MAST2: variants seen among roughly 807,000 people sequenced by gnomAD.
MAST2 encodes microtubule-associated serine/threonine-protein kinase 2.
MAST2 carries 70 observed loss-of-function variants against 147.4 expected under a neutral mutation model. The ratio of observed to expected loss-of-function variants is 0.47; its 90% CI spans 0.39 to 0.58. The LOEUF is 0.58. Among genes scored for constraint, MAST2 ranks in the 20% least tolerant of loss-of-function variants. The pLI is 0.00. For missense variants in MAST2, 2,080 were observed against 2,302.3 expected, an observed-to-expected ratio of 0.90 and a Z score of 1.98; for synonymous variants, 869 against 896.8, an observed-to-expected ratio of 0.97 and a Z score of 0.55.
chr1:45,835,737 T>C (rs1645083795), intron 3 of MAST2, among the ~76,000 whole-genome samples: 1 of 152,182 alleles, frequency 6.6e-6, no homozygotes, highest in Non-Finnish European at 1.5e-5. Context: ...AAAAAAATCC[T>C]CTACCCATTA....
In MAST2 at chr1:46,013,022, T is replaced by A. The variant is rs1039038157; in HGVS notation, c.1188+2083T>A. 4.6e-5 allele frequency among the ~76,000 whole-genome samples: 7 copies of A among 152,098 alleles called. No homozygotes were observed. In the East Asian group the frequency reaches 1.4e-3, roughly 30 times the overall value. On this transcript the variant is annotated intron_variant, in intron 10 of 28. Transcript: ENST00000361297. The stretch of plus-strand genomic sequence containing the variant: ...ACGGCCTTGTGAGGAGCTTAGATTG[T>A]ATCGTGAAGGCAGTGGGTATCATCC...
At chr1:46,030,547 A>G (rs1646608140) in intron 21 of MAST2, 60 bp from the exon 22 acceptor site, 2 of 1,536,062 alleles carry the variant, frequency 1.3e-6, no homozygotes. Flanking sequence ...AGGATGCTTT[A>G]TGCCACTTGG....
intron 27 of MAST2, 40 bp from the exon 28 acceptor site, chr1:46,034,033 C>T (rs772173541): frequency 6.2e-7 from 1 of 1,607,066 alleles, no homozygotes. Context: ...GTGTGCTGTG[C>T]TCACTGCACC....
chr1:45,888,161 G>A (rs186435222), intron 4 of MAST2, among the ~76,000 whole-genome samples: 78 of 152,294 alleles, frequency 5.1e-4, no homozygotes, highest in Middle Eastern at 3.4e-3. Flanking sequence ...ATATTTCAGA[G>A]ACATCTGAAC....
intron 5 of MAST2, 46 bp from the exon 6 acceptor site, chr1:45,997,678 C>T: frequency 6.7e-7 from 1 of 1,492,028 alleles, no homozygotes; most frequent in Non-Finnish European, 9.4e-7. Flanking sequence ...GTCCACCCTC[C>T]TCACAAGCAA....
intron 25 of MAST2, 47 bp from the exon 26 acceptor site, chr1:46,032,549 C>G: frequency 2.5e-6 from 4 of 1,606,562 alleles, no homozygotes; most frequent in African/African-American, 1.3e-5. Context: ...AGGCCCCATA[C>G]TTCGTGTTCA....
At chr1:45,926,745 A>AT (rs5773898) in intron 4 of MAST2, among the ~76,000 whole-genome samples, 2,050 of 145,850 alleles carry the variant, frequency 0.014, 25 homozygotes, top group East Asian at 0.062. Context: ...AGGTTTTTTG[A>AT]TTTTTTTTTT....
intron 4 of MAST2, among the ~76,000 whole-genome samples, chr1:45,919,519 A>G (rs1653105674): frequency 6.6e-6 from 1 of 152,264 alleles, no homozygotes; most frequent in Non-Finnish European, 1.5e-5. Flanking sequence ...GATTTAAGTG[A>G]CATTATTTGA....
intron 3 of MAST2, among the ~76,000 whole-genome samples, chr1:45,831,811 G>A (rs771773886): frequency 3.5e-5 from 5 of 144,278 alleles, no homozygotes; most frequent in Non-Finnish European, 6.0e-5. Context: ...CCTGAGTCTC[G>A]CTCTGTCACC....
At chr1:45,922,485 G>T (rs988836905) in intron 4 of MAST2, among the ~76,000 whole-genome samples, 6 of 152,198 alleles carry the variant, frequency 3.9e-5, no homozygotes, top group Non-Finnish European at 5.9e-5. Flanking sequence ...CCTGGAGGGG[G>T]CCAAAGTGGC....
chr1:45,884,065 G>A (rs1282413093), intron 4 of MAST2, among the ~76,000 whole-genome samples: 4 of 151,490 alleles, frequency 2.6e-5, no homozygotes, highest in Admixed American at 6.6e-5. Flanking sequence ...AGAAGGAGAA[G>A]GAGGAGTATT....
intron 3 of MAST2, among the ~76,000 whole-genome samples, chr1:45,873,750 T>C (rs926080961): frequency 7.9e-5 from 12 of 152,240 alleles, no homozygotes; most frequent in African/African-American, 2.7e-4. Flanking sequence ...CCTGTTAATA[T>C]CATCAAGCTG....
chr1:46,027,152 A>T (rs1646447370), intron 16 of MAST2, among the ~76,000 whole-genome samples: 1 of 152,176 alleles, frequency 6.6e-6, no homozygotes, highest in African/African-American at 2.4e-5. Context: ...TCAGAGCCAG[A>T]GGTACTATTT....
chr1:45,946,378 C>T (rs895148921), intron 4 of MAST2, among the ~76,000 whole-genome samples: 1 of 152,100 alleles, frequency 6.6e-6, no homozygotes, highest in African/African-American at 2.4e-5. Flanking sequence ...GAACTTGCTA[C>T]TACGTCACAT....
At chr1:45,971,174 G>A (rs1643899427) in intron 5 of MAST2, among the ~76,000 whole-genome samples, 1 of 152,172 alleles carries the variant, frequency 6.6e-6, no homozygotes, top group African/African-American at 2.4e-5. Flanking sequence ...TGTTGTAGTT[G>A]CAGCCCACTG....
intron 10 of MAST2, among the ~76,000 whole-genome samples, chr1:46,011,766 T>C (rs894642965): frequency 6.6e-6 from 1 of 152,186 alleles, no homozygotes; most frequent in Non-Finnish European, 1.5e-5. Flanking sequence ...CCAGGGCTAA[T>C]GATCAAAAGG....
intron 3 of MAST2, among the ~76,000 whole-genome samples, chr1:45,856,894 T>A (rs1411879773): frequency 6.6e-6 from 1 of 152,070 alleles, no homozygotes; most frequent in Non-Finnish European, 1.5e-5. Context: ...AGACTTAAGC[T>A]AGTTATTTTT....
At chr1:45,999,676 T>G (rs1645194788) in intron 6 of MAST2, among the ~76,000 whole-genome samples, 1 of 152,208 alleles carries the variant, frequency 6.6e-6, no homozygotes, top group African/African-American at 2.4e-5. Context: ...CAGATCTTCA[T>G]TTAGCTAACT....
intron 3 of MAST2, among the ~76,000 whole-genome samples, chr1:45,842,457 A>C (rs1557824777): frequency 6.6e-6 from 1 of 152,190 alleles, no homozygotes; most frequent in Non-Finnish European, 1.5e-5. Context: ...CCTCTTATCC[A>C]TTAAGCCCTT....
Sources: allele counts gnomAD v4.1 joint callset (sites outside exome capture counted in the v4.1 genomes callset), GRCh38; gene constraint gnomAD v4.1.1; transcripts MANE v1.5; gene names NCBI Gene and HGNC (gene_info 2026-07-23, HGNC 2026-07-21).